DCBLD1: variants seen among roughly 807,000 people sequenced by gnomAD.
The protein encoded by DCBLD1 is discoidin, CUB and LCCL domain-containing protein 1.
DCBLD1 carries 57 observed loss-of-function variants against 71.5 expected under a neutral mutation model. The ratio of observed to expected loss-of-function variants is 0.80; its 90% CI spans 0.64 to 0.99. The LOEUF is 0.99. Ranked by LOEUF, DCBLD1 falls within the 50% of genes least tolerant of loss-of-function variation. The pLI is 0.00. For missense variants in DCBLD1, 891 were observed against 923.5 expected (o/e 0.96, Z 0.46); for synonymous variants, 380 against 363.8 (o/e 1.04, Z -0.51).
chr6:117,510,360 G>GAC (rs35676008), intron 2 of DCBLD1, among the ~76,000 whole-genome samples: 7,588 of 146,800 alleles, frequency 0.052, 224 homozygotes, highest in East Asian at 0.14. Flanking sequence ...CACAGACACA[G>GAC]ACACACACAC....
At chr6:117,486,561 A>G (rs771435707) in intron 1 of DCBLD1, among the ~76,000 whole-genome samples, 11 of 152,062 alleles carry the variant, frequency 7.2e-5, no homozygotes, top group South Asian at 2.1e-4. Context: ...TTTTTTTGCT[A>G]TTTCTCCAAA....
intron 14 of DCBLD1, chr6:117,560,703 CAG>C (rs1779568036): frequency 5.0e-6 from 1 of 199,084 alleles, no homozygotes; most frequent in Non-Finnish European, 1.0e-5. Flanking sequence ...ATATTCATAA[CAG>C]AGATACTGTA....
At position 117,513,193 on chromosome 6, in the gene DCBLD1, G is replaced by A. The variant is rs143265757; in HGVS notation, c.326-6623G>A. Among the ~76,000 whole-genome samples, 292 of 152,304 alleles carry A rather than the reference G, an allele frequency of 1.9e-3. 1 individual carries two copies. The highest frequency in any genetic ancestry group is 6.5e-3 in the African/African-American group (269 of 41,568). On this transcript the variant is annotated intron_variant, in intron 2 of 14. Coordinates refer to ENST00000338728, the MANE Select transcript of DCBLD1 (RefSeq NM_001366458.2). ...TTTCAGACTTGGCTTGTAGCAGACAGTTTATTCTTCCTTATAGGACAGCTT... is the reference window on the plus strand; with the variant it reads ...TTTCAGACTTGGCTTGTAGCAGACAATTTATTCTTCCTTATAGGACAGCTT...
At chr6:117,533,184 A>G (rs960672534) in intron 6 of DCBLD1, among the ~76,000 whole-genome samples, 4 of 152,190 alleles carry the variant, frequency 2.6e-5, no homozygotes, top group African/African-American at 9.7e-5. Context: ...GCCTTCTGCA[A>G]CTGTTTTTTG....
chr6:117,494,143 T>G (rs1777390745), intron 1 of DCBLD1, among the ~76,000 whole-genome samples: 1 of 152,182 alleles, frequency 6.6e-6, no homozygotes, highest in Admixed American at 6.6e-5. Context: ...CCTTTCATAA[T>G]TTTATTTTTT....
chr6:117,504,084 A>G, intron 2 of DCBLD1, 105 bp downstream of exon 2: 9 of 1,258,328 alleles, frequency 7.2e-6, no homozygotes, highest in South Asian at 1.4e-5. Flanking sequence ...AGATTAGAAG[A>G]GAAACTTGCT....
At chr6:117,540,184 A>G (rs1275205126) in intron 9 of DCBLD1, 1 of 153,122 alleles carries the variant, frequency 6.5e-6, no homozygotes, top group Admixed American at 6.5e-5. Flanking sequence ...ATTCTTTTCT[A>G]CTTCAGGAAT....
intron 14 of DCBLD1, chr6:117,561,496 T>TA (rs1779583589): frequency 4.6e-6 from 1 of 217,122 alleles, no homozygotes; most frequent in Admixed American, 5.8e-5. Flanking sequence ...ACTAAATAAA[T>TA]ACGGTGGCTA....
chr6:117,548,691 T>G lies in DCBLD1; in HGVS notation c.*252T>G. 7.2e-7 allele frequency: 1 copy of G among 1,398,492 alleles called. No individual in the cohort carries two copies. The highest frequency in any genetic ancestry group is 9.3e-7 in the Non-Finnish European group (1 of 1,080,444). The allele number at this position is 1,398,492 out of a possible 1,614,324, so 86.6% of individuals were successfully genotyped here. On this transcript the variant is annotated 3_prime_UTR_variant, in exon 15 of 15. Coordinates refer to ENST00000338728, the MANE Select transcript of DCBLD1 (RefSeq NM_001366458.2). Reference sequence around the variant, plus strand: ...GGCTAGAAAAATGAAAATTTTCAGATGGCGTTTTCATTCCTCTGACTGATA... The same window carrying G: ...GGCTAGAAAAATGAAAATTTTCAGAGGGCGTTTTCATTCCTCTGACTGATA...
chr6:117,494,574 T>C (rs1484687325), intron 1 of DCBLD1, among the ~76,000 whole-genome samples: 1 of 152,102 alleles, frequency 6.6e-6, no homozygotes, highest in Non-Finnish European at 1.5e-5. Context: ...TAGAATTGTT[T>C]CGCTGTACAA....
downstream of DCBLD1, among the ~76,000 whole-genome samples, chr6:117,552,910 T>C (rs1171846580): frequency 6.6e-6 from 1 of 152,198 alleles, no homozygotes; most frequent in Non-Finnish European, 1.5e-5. Context: ...TTTCCTCTAG[T>C]TGTTAATCCT....
chr6:117,513,752 GA>G (rs1778099262), intron 2 of DCBLD1, among the ~76,000 whole-genome samples: 2 of 152,176 alleles, frequency 1.3e-5, no homozygotes, highest in African/African-American at 4.8e-5. Flanking sequence ...TGACTGAATT[GA>G]AGTATTTTTG....
rs1779063277 is a variant in DCBLD1, at chr6:117,540,705, A to G, written c.1139A>G (p.Gln380Arg). ...AACTCTAACTTTCGGGACCCAGTGC[A>G]AAACAATTTCATCCCTCCCATCGTG... ...QGNSNFRDPVQNNFIPPIVAR... is the reference protein window; with the variant it reads ...QGNSNFRDPVRNNFIPPIVAR... The change falls in exon 10 of 15, where the codon CAA (glutamine) becomes CGA (arginine). Residue 380 changes from glutamine to arginine, a missense_variant. By Grantham distance (43) the Gln-to-Arg change is conservative. Coordinates refer to ENST00000338728, the MANE Select transcript of DCBLD1 (RefSeq NM_001366458.2). The G allele has an allele frequency of 6.2e-7, 1 of 1,614,098 alleles. No homozygotes were observed. The highest frequency in any genetic ancestry group is 8.5e-7 in the Non-Finnish European group (1 of 1,180,050).
Position 117,549,191 on chromosome 6 carries a change from T to C in DCBLD1, c.*752T>C. On this transcript the variant is annotated 3_prime_UTR_variant, in exon 15 of 15. Coordinates refer to ENST00000338728, the MANE Select transcript of DCBLD1 (RefSeq NM_001366458.2). ...CATGAAGGTGGCACAGGAATTACAGTGTGAATGGCTGTGTCAGATGTTTTC... is the reference window on the plus strand; with the variant it reads ...CATGAAGGTGGCACAGGAATTACAGCGTGAATGGCTGTGTCAGATGTTTTC... 1.0e-6 allele frequency: 1 copy of C among 985,422 alleles called. No individual in the cohort carries two copies. The highest frequency in any genetic ancestry group is 1.2e-6 in the Non-Finnish European group (1 of 829,934). 61.0% of individuals were successfully genotyped at this position (985,422 alleles called of 1,614,324 possible). A position where few individuals can be genotyped will look rare whatever the true frequency, so the allele number is the denominator to read the frequency against.
chr6:117,491,482 A>G (rs1777291296), intron 1 of DCBLD1, among the ~76,000 whole-genome samples: 1 of 152,224 alleles, frequency 6.6e-6, no homozygotes, highest in South Asian at 2.1e-4. Flanking sequence ...TTCAAAATCT[A>G]TTAATAAACT....
At chr6:117,563,327 C>T (rs780438829) in intron 14 of DCBLD1, 4 of 1,613,236 alleles carry the variant, frequency 2.5e-6, no homozygotes, top group Non-Finnish European at 2.5e-6. Context: ...CGGAGTTTCA[C>T]TTGCAGTGCC....
At chr6:117,502,282 T>TC (rs908715806) in intron 1 of DCBLD1, among the ~76,000 whole-genome samples, 2 of 152,042 alleles carry the variant, frequency 1.3e-5, no homozygotes, top group African/African-American at 4.8e-5. Context: ...TGTCTAAAGT[T>TC]CCCCCCGGCA....
intron 1 of DCBLD1, 116 bp downstream of exon 1, chr6:117,483,009 G>C: frequency 1.0e-6 from 1 of 1,004,528 alleles, no homozygotes; most frequent in Non-Finnish European, 1.2e-6. Flanking sequence ...CTGGGGGGAC[G>C]GAGCGCGGGA....
Position 117,525,444 on chromosome 6 carries a change from T to C in DCBLD1, c.585+10T>C. 1 of 1,467,180 alleles carries C rather than the reference T, an allele frequency of 6.8e-7. No homozygotes were observed. The highest frequency in any genetic ancestry group is 9.0e-7 in the Non-Finnish European group (1 of 1,106,252). 90.9% of individuals were successfully genotyped at this position (1,467,180 alleles called of 1,614,324 possible). ...AGATGGATATAGAGATGTAAGTAAT[T>C]GAGGGTAATGGCAGAGAATGAATTA... On this transcript the variant is annotated intron_variant, in intron 5 of 14. Transcript: ENST00000338728.
Sources: allele counts gnomAD v4.1 joint callset (sites outside exome capture counted in the v4.1 genomes callset), GRCh38; gene constraint gnomAD v4.1.1; transcripts MANE v1.5; gene names NCBI Gene and HGNC (gene_info 2026-07-23, HGNC 2026-07-21).